PLPP1: variants seen among roughly 807,000 people sequenced by gnomAD.
PLPP1 encodes the protein lipid phosphate phosphohydrolase 1a.
A neutral mutation model predicts 31.2 loss-of-function variants in PLPP1; 24 were observed. The observed-to-expected ratio is 0.77, with a 90% confidence interval of 0.56 to 1.08. PLPP1 has a LOEUF of 1.08. Among genes scored for constraint, PLPP1 ranks in the 50% least tolerant of loss-of-function variants. PLPP1 has a pLI of 0.00. For missense variants in PLPP1, 319 were observed against 342.7 expected, an observed-to-expected ratio of 0.93 and a Z score of 0.55; for synonymous variants, 146 against 126.3, an observed-to-expected ratio of 1.16 and a Z score of -1.05.
chr5:55,501,606 G>A (rs1335002386), intron 1 of PLPP1, among the ~76,000 whole-genome samples: 1 of 152,154 alleles, frequency 6.6e-6, no homozygotes, highest in East Asian at 1.9e-4. Context: ...CTGGGTTCAA[G>A]CAATTCTCCT....
intron 2 of PLPP1, among the ~76,000 whole-genome samples, chr5:55,471,690 G>T (rs1449677135): frequency 1.3e-5 from 2 of 151,872 alleles, no homozygotes; most frequent in African/African-American, 4.8e-5. Context: ...TCAAGGCCCT[G>T]GTATGCAGTC....
At chr5:55,490,129 A>C (rs1193416683) in intron 1 of PLPP1, among the ~76,000 whole-genome samples, 1 of 149,392 alleles carries the variant, frequency 6.7e-6, no homozygotes, top group Non-Finnish European at 1.5e-5. Flanking sequence ...AGTAAGAAAT[A>C]GTGACTTTTC....
At chr5:55,463,205 G>A (rs565161667) in intron 3 of PLPP1, among the ~76,000 whole-genome samples, 2 of 151,922 alleles carry the variant, frequency 1.3e-5, no homozygotes, top group Non-Finnish European at 2.9e-5. Flanking sequence ...GTAAGGCGTG[G>A]GGAGAGCATT....
Position 55,425,805 on chromosome 5 carries a change from T to C in PLPP1, c.726+58A>G, listed in dbSNP as rs1316651037. On this transcript the variant is annotated intron_variant, in intron 5 of 5. Coordinates refer to ENST00000307259, the MANE Select transcript of PLPP1 (RefSeq NM_003711.4). ...GGATTTTTTGGATTTTTTTTTTCTA[T>C]TTACTTATATAAATGTTTAGCAATA... 96 of 1,408,538 alleles carry C rather than the reference T, an allele frequency of 6.8e-5. No homozygotes were observed. The highest frequency in any genetic ancestry group is 7.7e-5 in the Non-Finnish European group (82 of 1,060,674). 87.3% of individuals were successfully genotyped at this position (1,408,538 alleles called of 1,614,324 possible). A position where few individuals can be genotyped will look rare whatever the true frequency, so the allele number is the denominator to read the frequency against.
rs749566328 is a variant in PLPP1 at position 55,426,048 on chromosome 5, A to G, written c.550-9T>C. On this transcript the variant is annotated splice_polypyrimidine_tract_variant and intron_variant, in intron 4 of 5. Coordinates refer to ENST00000307259, the MANE Select transcript of PLPP1 (RefSeq NM_003711.4). ...CTGGCTTGAAGATAAAGCTAAAAGA[A>G]AAGAATAAAGAAAAAAATAGTTTAT... is the stretch of plus-strand genomic sequence containing the variant. 10 of 1,568,566 alleles carry G rather than the reference A, an allele frequency of 6.4e-6. No homozygotes were observed. In the African/African-American group the frequency reaches 1.4e-4, roughly 22 times the overall value.
At chr5:55,522,720 T>C (rs1203896063) in intron 1 of PLPP1, among the ~76,000 whole-genome samples, 2 of 151,758 alleles carry the variant, frequency 1.3e-5, no homozygotes, top group Non-Finnish European at 2.9e-5. Flanking sequence ...TGTTTTGTTT[T>C]GTTTTGTTTT....
chr5:55,443,335 T>G (rs1310142037), intron 3 of PLPP1, among the ~76,000 whole-genome samples: 1 of 151,360 alleles, frequency 6.6e-6, no homozygotes, highest in East Asian at 1.9e-4. Flanking sequence ...AGGAATTATG[T>G]AATTAAACCC....
chr5:55,453,028 T>A (rs201388289), intron 3 of PLPP1, among the ~76,000 whole-genome samples: 2 of 3,762 alleles, frequency 5.3e-4, no homozygotes, highest in South Asian at 0.045. Flanking sequence ...TTCAATGTGG[T>A]TTTTTTCCTT....
intron 1 of PLPP1, among the ~76,000 whole-genome samples, chr5:55,505,447 C>CAAA (rs35040837): frequency 6.9e-6 from 1 of 144,304 alleles, no homozygotes; most frequent in East Asian, 2.0e-4. Flanking sequence ...TATACACACG[C>CAAA]AAAAAAAAAA....
chr5:55,472,319 T>C (rs1414841351), intron 2 of PLPP1, among the ~76,000 whole-genome samples: 2 of 151,674 alleles, frequency 1.3e-5, no homozygotes, highest in Non-Finnish European at 2.9e-5. Context: ...CAGTAGAGTA[T>C]AGGCCGGGCG....
At chr5:55,483,986 T>G (rs1752724466) in intron 1 of PLPP1, among the ~76,000 whole-genome samples, 1 of 152,150 alleles carries the variant, frequency 6.6e-6, no homozygotes, top group African/African-American at 2.4e-5. Context: ...ATAAAGTTCA[T>G]CATTAATAGA....
At chr5:55,522,721 G>C (rs1753697652) in intron 1 of PLPP1, among the ~76,000 whole-genome samples, 1 of 150,900 alleles carries the variant, frequency 6.6e-6, no homozygotes, top group African/African-American at 2.4e-5. Context: ...GTTTTGTTTT[G>C]TTTTGTTTTG....
At chr5:55,428,383 G>T (rs1265511690) in intron 4 of PLPP1, among the ~76,000 whole-genome samples, 1 of 152,160 alleles carries the variant, frequency 6.6e-6, no homozygotes, top group Non-Finnish European at 1.5e-5. Context: ...TTCCATTTCT[G>T]TAGAGCTCAA....
At chr5:55,462,954 T>C (rs1175451444) in intron 3 of PLPP1, among the ~76,000 whole-genome samples, 1 of 149,914 alleles carries the variant, frequency 6.7e-6, no homozygotes, top group Non-Finnish European at 1.5e-5. Flanking sequence ...GCCTGGGGGA[T>C]ACAGCGAGAC....
intron 4 of PLPP1, among the ~76,000 whole-genome samples, chr5:55,435,602 T>G (rs961994495): frequency 1.2e-4 from 18 of 152,280 alleles, no homozygotes; most frequent in Non-Finnish European, 2.2e-4. Flanking sequence ...GTGCCACTAG[T>G]GTGATCCCTG....
intron 1 of PLPP1, among the ~76,000 whole-genome samples, chr5:55,511,871 G>A (rs1033213430): frequency 6.7e-6 from 1 of 150,108 alleles, no homozygotes; most frequent in Non-Finnish European, 1.5e-5. Context: ...GGGTTTCACC[G>A]TGTTAGCCAG....
chr5:55,425,581 A>AACTACTAC, intron 5 of PLPP1: 1 of 451,318 alleles, frequency 2.2e-6, no homozygotes. Context: ...TTATTTCTAC[A>AACTACTAC]TGTGAATTAG....
At chr5:55,446,893 G>A (rs1008617576) in intron 3 of PLPP1, among the ~76,000 whole-genome samples, 6 of 152,066 alleles carry the variant, frequency 3.9e-5, no homozygotes, top group African/African-American at 1.4e-4. Context: ...CTTTATATCT[G>A]TGCCCCATGT....
chr5:55,506,259 T>G (rs1753275283), intron 1 of PLPP1, among the ~76,000 whole-genome samples: 1 of 110,330 alleles, frequency 9.1e-6, no homozygotes, highest in South Asian at 3.6e-4. Context: ...ATACAGCAAA[T>G]TACTAAAAAA....
Sources: allele counts gnomAD v4.1 joint callset (sites outside exome capture counted in the v4.1 genomes callset), GRCh38; gene constraint gnomAD v4.1.1; transcripts MANE v1.5; gene names NCBI Gene and HGNC (gene_info 2026-07-23, HGNC 2026-07-21).